CAPS2: variants seen among roughly 807,000 people sequenced by gnomAD.
CAPS2 encodes the protein calcyphosine 2.
A neutral mutation model predicts 86.5 loss-of-function variants in CAPS2; 98 were observed. The observed-to-expected ratio is 1.13, with a 90% CI of 0.96 to 1.34. The LOEUF is 1.34. Ranked by LOEUF, CAPS2 falls within the 40% of genes most tolerant of loss-of-function variation. CAPS2 has a pLI of 0.00. For synonymous variants in CAPS2, 210 were observed against 225.1 expected, an observed-to-expected ratio of 0.93 and a Z score of 0.60; for missense variants, 729 against 686.8, an observed-to-expected ratio of 1.06 and a Z score of -0.69.
intron 1 of CAPS2, among the ~76,000 whole-genome samples, chr12:75,367,856 T>C (rs778799003): frequency 3.3e-5 from 5 of 152,158 alleles, no homozygotes; most frequent in Non-Finnish European, 4.4e-5. Context: ...GCTGTAACAA[T>C]AGACACACCC....
intron 1 of CAPS2, chr12:75,373,450 T>G (rs1277000062): frequency 6.6e-6 from 1 of 152,238 alleles, no homozygotes; most frequent in Non-Finnish European, 1.5e-5. Context: ...CCAATCATGC[T>G]TCTTCCAAGT....
intron 7 of CAPS2, chr12:75,306,329 C>A: frequency 1.9e-6 from 1 of 526,552 alleles, no homozygotes; most frequent in South Asian, 2.1e-5. Flanking sequence ...ATCCCACTGC[C>A]TACTGCTCCT....
At chr12:75,329,833 T>C (rs200338088), upstream of CAPS2, 665 of 1,545,454 alleles carry the variant, frequency 4.3e-4, 7 homozygotes, top group Non-Finnish European at 1.2e-5. Flanking sequence ...TCAGAGCACC[T>C]GCAGTGTAGC....
At chr12:75,359,708 T>C (rs2043435968) in intron 1 of CAPS2, among the ~76,000 whole-genome samples, 1 of 152,136 alleles carries the variant, frequency 6.6e-6, no homozygotes, top group African/African-American at 2.4e-5. Flanking sequence ...TTTCAACTAA[T>C]TTTTCAGAAA....
intron 1 of CAPS2, among the ~76,000 whole-genome samples, chr12:75,346,420 T>C (rs1294275207): frequency 1.3e-5 from 2 of 151,888 alleles, no homozygotes; most frequent in African/African-American, 2.4e-5. Context: ...AGACGGAGTC[T>C]CGCCCTGTAA....
chr12:75,344,974 G>A (rs766949314), intron 1 of CAPS2, among the ~76,000 whole-genome samples: 10 of 152,092 alleles, frequency 6.6e-5, no homozygotes, highest in Non-Finnish European at 1.3e-4. Context: ...TGTGTAAACC[G>A]TGGTATTATC....
At chr12:75,299,015 G>T in intron 9 of CAPS2, 49 bp from the exon 10 acceptor site, 2 of 1,236,798 alleles carry the variant, frequency 1.6e-6, no homozygotes, top group Non-Finnish European at 2.3e-6. Context: ...ATAATTTTTA[G>T]ATGAATTAAC....
At chr12:75,284,053 A>T (rs1310752214) in intron 15 of CAPS2, among the ~76,000 whole-genome samples, 1 of 152,156 alleles carries the variant, frequency 6.6e-6, no homozygotes, top group Non-Finnish European at 1.5e-5. Context: ...ACTAATACAG[A>T]ACTGTATAAC....
At chr12:75,305,886 G>A in intron 7 of CAPS2, 2 of 796,144 alleles carry the variant, frequency 2.5e-6, no homozygotes, top group South Asian at 2.8e-5. Context: ...TGACCAGGCT[G>A]CACCTGAGGC....
chr12:75,326,863 T>C (rs980708703), upstream of CAPS2, among the ~76,000 whole-genome samples: 1 of 152,088 alleles, frequency 6.6e-6, no homozygotes. Context: ...CCAGAATCCT[T>C]GTAAGAGGGA....
At chr12:75,332,752 G>A (rs1282712572), upstream of CAPS2, among the ~76,000 whole-genome samples, 3 of 152,082 alleles carry the variant, frequency 2.0e-5, no homozygotes, top group African/African-American at 4.8e-5. Context: ...TAGCAATGAA[G>A]AAAACAAAGC....
chr12:75,338,555 G>A (rs7978312), intron 1 of CAPS2, among the ~76,000 whole-genome samples: 43,154 of 151,368 alleles, frequency 0.29, 7,614 homozygotes, highest in East Asian at 0.45. Flanking sequence ...AATAGTTTTG[G>A]GGAAACAGGT....
intron 5 of CAPS2, among the ~76,000 whole-genome samples, chr12:75,320,225 T>TA (rs879526778): frequency 6.6e-6 from 1 of 151,996 alleles, no homozygotes; most frequent in Non-Finnish European, 1.5e-5. Flanking sequence ...AAACCAAAAG[T>TA]AAAAAAAGTC....
intron 15 of CAPS2, 98 bp from the exon 16 acceptor site, chr12:75,282,445 G>A: frequency 1.3e-6 from 1 of 781,030 alleles, no homozygotes; most frequent in Non-Finnish European, 2.3e-6. Flanking sequence ...GGAGTGCAAT[G>A]GCGTGATCTC....
chr12:75,370,238 T>C, intron 1 of CAPS2: 4 of 854,050 alleles, frequency 4.7e-6, no homozygotes, highest in Non-Finnish European at 7.7e-6. Context: ...TATTGCTTAA[T>C]ATAACTTATC....
upstream of CAPS2, among the ~76,000 whole-genome samples, chr12:75,332,908 T>C (rs1283064704): frequency 1.3e-5 from 2 of 152,168 alleles, no homozygotes; most frequent in Non-Finnish European, 2.9e-5. Context: ...TATAGAATGA[T>C]CAGGGAAGAC....
intron 14 of CAPS2, among the ~76,000 whole-genome samples, chr12:75,286,190 AT>A (rs1037848752): frequency 2.6e-5 from 4 of 151,926 alleles, no homozygotes; most frequent in African/African-American, 9.7e-5. Flanking sequence ...ACTCCCTCCT[AT>A]TTTTTTCAAA....
chr12:75,354,168 G>A (rs535014622), intron 1 of CAPS2, among the ~76,000 whole-genome samples: 43 of 61,292 alleles, frequency 7.0e-4, no homozygotes, highest in African/African-American at 1.6e-3. Context: ...GAAAAAAAAG[G>A]GGGGGGGGTA....
chr12:75,361,690 GAGA>G (rs536849624), intron 1 of CAPS2, among the ~76,000 whole-genome samples: 198 of 152,320 alleles, frequency 1.3e-3, no homozygotes, highest in African/African-American at 4.3e-3. Flanking sequence ...AGAGATAAGA[GAGA>G]AGGAGGAACT....
Sources: gnomAD v4.1 joint callset for allele counts (sites outside exome capture counted in the v4.1 genomes callset) on GRCh38, gnomAD v4.1.1 for gene constraint, MANE v1.5 for transcripts, NCBI Gene and HGNC (gene_info 2026-07-23, HGNC 2026-07-21) for gene names.